Variants in ZBTB40 observed in about 807,000 individuals in gnomAD.
The protein encoded by ZBTB40 is zinc finger and BTB domain-containing protein 40.
A neutral mutation model predicts 117.5 loss-of-function variants in ZBTB40; 60 were observed. The observed-to-expected ratio is 0.51, with a 90% CI of 0.41 to 0.63. ZBTB40 has a LOEUF of 0.63. Ranked by LOEUF, ZBTB40 falls within the 30% of genes least tolerant of loss-of-function variation. ZBTB40 has a pLI of 0.00. For missense variants in ZBTB40, 1,287 were observed against 1,498.5 expected (o/e 0.86, Z 2.33); for synonymous variants, 525 against 577.1 (o/e 0.91, Z 1.29).
At chr1:22,473,809 G>A (rs1354806807) in intron 1 of ZBTB40, among the ~76,000 whole-genome samples, 3 of 152,138 alleles carry the variant, frequency 2.0e-5, no homozygotes, top group Non-Finnish European at 1.5e-5. Context: ...AAATCTTAGC[G>A]TTCAGTGAGG....
At chr1:22,432,908 A>G (rs1052924922) in intron 1 of ZBTB40, among the ~76,000 whole-genome samples, 1 of 152,246 alleles carries the variant, frequency 6.6e-6, no homozygotes, top group Non-Finnish European at 1.5e-5. Context: ...TCATGCTACA[A>G]TGGAAAAGCA....
chr1:22,525,571 A>T (rs1216131063), intron 17 of ZBTB40, among the ~76,000 whole-genome samples: 1 of 152,246 alleles, frequency 6.6e-6, no homozygotes, highest in African/African-American at 2.4e-5. Context: ...ATTCTCTCTC[A>T]GTTGGAAAGG....
intron 1 of ZBTB40, among the ~76,000 whole-genome samples, chr1:22,445,829 T>C (rs1263599498): frequency 1.4e-5 from 2 of 143,206 alleles, no homozygotes; most frequent in African/African-American, 5.3e-5. Context: ...CACTCCAGCC[T>C]GGGCAATAGC....
intron 1 of ZBTB40, among the ~76,000 whole-genome samples, chr1:22,461,440 T>C (rs1307755602): frequency 2.0e-5 from 3 of 151,930 alleles, no homozygotes; most frequent in African/African-American, 7.2e-5. Context: ...TTTCCCAACA[T>C]TAACAGCAAT....
chr1:22,474,318 C>G (rs1247876848), intron 1 of ZBTB40, among the ~76,000 whole-genome samples: 1 of 152,146 alleles, frequency 6.6e-6, no homozygotes, highest in Non-Finnish European at 1.5e-5. Context: ...TATCATGAAC[C>G]CAGGAGTGTG....
chr1:22,479,070 T>C (rs1042933687), intron 1 of ZBTB40, among the ~76,000 whole-genome samples: 2 of 152,250 alleles, frequency 1.3e-5, no homozygotes, highest in Non-Finnish European at 2.9e-5. Context: ...TTCTGGCTTC[T>C]TTGACATAAC....
At chr1:22,478,344 T>C (rs1428524973) in intron 1 of ZBTB40, among the ~76,000 whole-genome samples, 3 of 152,170 alleles carry the variant, frequency 2.0e-5, no homozygotes, top group Non-Finnish European at 2.9e-5. Flanking sequence ...GCCTCCTGGG[T>C]TCACGCCTTT....
rs199731004 is a variant in ZBTB40, at chr1:22,511,727, A to C, written c.2054A>C (p.Lys685Thr). The C allele has an allele frequency of 2.6e-5, 42 of 1,607,190 alleles. No individual in the cohort carries two copies. The highest frequency in any genetic ancestry group is 3.3e-5 in the Non-Finnish European group (39 of 1,178,254). Residue 685 changes from lysine (K) to threonine (T), a missense_variant, in exon 11 of 18, where the codon AAA becomes ACA. Physicochemically the swap from Lys to Thr is moderately conservative, Grantham distance 78. This residue lies in a region of ZBTB40 where 870 missense variants were observed against 934.4 expected (regional missense o/e 0.93). Transcript: ENST00000375647. ...AAGGAAACGTGGAAGGTGAGTAATA[A>C]ATTTCACCTTGAAGCCAACAACAAA... is the stretch of plus-strand genomic sequence containing the variant. ...GEKETWKVSN[K>T]FHLEANNKED...
chr1:22,510,910 A>G (rs1639214605), intron 9 of ZBTB40, among the ~76,000 whole-genome samples: 1 of 152,206 alleles, frequency 6.6e-6, no homozygotes, highest in East Asian at 1.9e-4. Flanking sequence ...TATTTCTTAT[A>G]GAAAATGCTT....
chr1:22,458,744 G>A (rs1641062234), intron 1 of ZBTB40, among the ~76,000 whole-genome samples: 1 of 152,020 alleles, frequency 6.6e-6, no homozygotes. Flanking sequence ...GAATGGATTA[G>A]GAAACTGGCC....
Position 22,508,494 on chromosome 1 carries a change from A to C in ZBTB40, c.1498-36A>C, listed in dbSNP as rs533357329. 93 of 1,611,152 alleles carry C rather than the reference A, an allele frequency of 5.8e-5. No homozygotes were observed. In the Admixed American group the frequency reaches 1.5e-3, roughly 27 times the overall value. The stretch of plus-strand genomic sequence containing the variant: ...TCTGCAGCTGGGCTAGTGGCTGGAG[A>C]GTCTCTTACGTGAGTGTTTGTGTTA... On this transcript the variant is annotated intron_variant, in intron 7 of 17. Coordinates refer to ENST00000375647, the MANE Select transcript of ZBTB40 (RefSeq NM_014870.4).
chr1:22,502,436 A>C lies in ZBTB40; in HGVS notation c.1162A>C (p.Lys388Gln), dbSNP rs767371951. 2.0e-5 allele frequency: 32 copies of C among 1,614,042 alleles called. No individual in the cohort carries two copies. Among genetic ancestry groups the C allele is most frequent in the Non-Finnish European group, 2.7e-5 (32 of 1,179,924 alleles). Reference sequence around the variant, plus strand: ...GGAGGAATTCCTGACTGGCACTGAAAAAAGGGTAACTGTGTCAAGTGTCTC... The same window carrying C: ...GGAGGAATTCCTGACTGGCACTGAACAAAGGGTAACTGTGTCAAGTGTCTC... The part of the protein sequence containing the change: ...AKEEFLTGTE[K>Q]RVILNCCEGR... Residue 388 changes from lysine to glutamine, a missense_variant, in exon 5 of 18, where the codon AAA (lysine) becomes CAA (glutamine). Coordinates refer to ENST00000375647, the MANE Select transcript of ZBTB40 (RefSeq NM_014870.4).
At chr1:22,491,641 C>A (rs2124432240) in intron 3 of ZBTB40, 108 bp downstream of exon 3, 211 of 1,161,622 alleles carry the variant, frequency 1.8e-4, no homozygotes, top group Middle Eastern at 4.1e-4. Context: ...TGTTTTGAAA[C>A]TTTAATTTTT....
At chr1:22,429,540 C>T (rs1173028308) in intron 1 of ZBTB40, among the ~76,000 whole-genome samples, 2 of 152,124 alleles carry the variant, frequency 1.3e-5, no homozygotes, top group East Asian at 3.9e-4. Flanking sequence ...ATCCAATTCT[C>T]CCATCAGCAT....
chr1:22,482,143 A>G (rs904241703), intron 1 of ZBTB40, among the ~76,000 whole-genome samples: 3 of 152,104 alleles, frequency 2.0e-5, no homozygotes, highest in African/African-American at 7.2e-5. Flanking sequence ...ATTAAAACAG[A>G]CTGTATTCAA....
At chr1:22,446,412 A>C (rs569337732) in intron 1 of ZBTB40, among the ~76,000 whole-genome samples, 1 of 152,196 alleles carries the variant, frequency 6.6e-6, no homozygotes, top group East Asian at 1.9e-4. Context: ...CAGATCACAG[A>C]AGCTCAGAGA....
At chr1:22,521,061 C>T (rs1639510848) in intron 14 of ZBTB40, among the ~76,000 whole-genome samples, 1 of 152,262 alleles carries the variant, frequency 6.6e-6, no homozygotes, top group African/African-American at 2.4e-5. Context: ...CTCGGCTGTG[C>T]CCCAGCTCCC....
Position 22,513,036 on chromosome 1 carries a change from C to A in ZBTB40, c.2574C>A (p.His858Gln). 6.2e-7 allele frequency: 1 copy of A among 1,614,210 alleles called. No homozygotes were observed. Among genetic ancestry groups the A allele is most frequent in the Non-Finnish European group, 8.5e-7 (1 of 1,180,044 alleles). ...NSTLKNHLRLHTGDRPFMCKH... is the reference protein window; with the variant it reads ...NSTLKNHLRLQTGDRPFMCKH... ...CCCTGAAGAACCACCTTCGCCTTCA[C>A]ACCGGGGACCGCCCGTTCATGTGCA... Residue 858 changes from histidine to glutamine, a missense_variant, in exon 12 of 18, where the codon CAC (histidine) becomes CAA (glutamine). By Grantham distance (24) the His-to-Gln change is conservative (BLOSUM62 0). This residue lies in a region of ZBTB40 where 417 missense variants were observed against 564.1 expected (regional missense o/e 0.74). Transcript: ENST00000375647. The surrounding 1 kb of genome is among the most constrained non-coding windows in gnomAD (Gnocchi z 4.9).
At chr1:22,509,694 G>A (rs571303242) in intron 9 of ZBTB40, among the ~76,000 whole-genome samples, 2 of 152,262 alleles carry the variant, frequency 1.3e-5, no homozygotes, top group African/African-American at 2.4e-5. Flanking sequence ...TTCCTAACAC[G>A]TTTGCTCTTT....
Sources: gnomAD v4.1 joint callset for allele counts (sites outside exome capture counted in the v4.1 genomes callset) on GRCh38, gnomAD v4.1.1 for gene constraint, gnomAD v4.1.1 regional missense constraint, Gnocchi (gnomAD v3.1) non-coding constraint, MANE v1.5 for transcripts, NCBI Gene and HGNC (gene_info 2026-07-23, HGNC 2026-07-21) for gene names.